Variants in FAM149A observed in about 807,000 individuals in gnomAD.
FAM149A encodes the protein protein FAM149A.
FAM149A carries 71 observed loss-of-function variants against 78.2 expected under a neutral mutation model. The ratio of observed to expected loss-of-function variants is 0.91; its 90% CI spans 0.75 to 1.11. The LOEUF (loss-of-function observed/expected upper bound fraction) is 1.11. Among genes scored for constraint, FAM149A ranks in the 50% least tolerant of loss-of-function variants. The probability of loss-of-function intolerance (pLI) is 0.00; values close to 1 mark genes in which losing one functional copy is unlikely to be tolerated. For missense variants in FAM149A, 1,036 were observed against 971.0 expected, an observed-to-expected ratio of 1.07 and a Z score of -0.89; for synonymous variants, 446 against 410.5, an observed-to-expected ratio of 1.09 and a Z score of -1.04.
intron 3 of FAM149A, among the ~76,000 whole-genome samples, chr4:186,150,602 A>G (rs34939331): frequency 0.42 from 52,212 of 123,990 alleles, 11,915 homozygotes; most frequent in Middle Eastern, 0.55. Context: ...TGTATTTTTA[A>G]TAGAGACGGG....
chr4:186,162,992 G>A (rs1734733843), intron 9 of FAM149A, 44 bp downstream of exon 9: 4 of 1,119,432 alleles, frequency 3.6e-6, no homozygotes, highest in Non-Finnish European at 4.1e-6. Flanking sequence ...TCTTCCCTGT[G>A]CTGCAAACAC....
At chr4:186,157,499 GAA>G (rs1734138091) in intron 7 of FAM149A, 64 bp from the exon 8 acceptor site, 2 of 1,511,986 alleles carry the variant, frequency 1.3e-6, no homozygotes, top group East Asian at 4.5e-5. Flanking sequence ...TTTCAAGAGT[GAA>G]TTTTAAGTAT....
chr4:186,167,866 AC>A (rs1160248125), intron 13 of FAM149A, among the ~76,000 whole-genome samples: 6 of 152,020 alleles, frequency 3.9e-5, no homozygotes, highest in African/African-American at 1.4e-4. Context: ...CGGCTGTGCA[AC>A]CCTAGGAATG....
At position 186,164,738 on chromosome 4, in the gene FAM149A, A is replaced by G. The variant is rs191853991; in HGVS notation, c.1890-606A>G. ...TCACACCTTCATCAAATAGAAACCC[A>G]TTTATGTTTCCTACTGAGATACATT... On this transcript the variant is annotated intron_variant, in intron 10 of 13. Coordinates refer to ENST00000389354, the MANE Select transcript of FAM149A (RefSeq NM_001367768.3). The surrounding 1 kb of genome is among the most constrained non-coding windows in gnomAD (Gnocchi z 4.0). 6.6e-6 allele frequency among the ~76,000 whole-genome samples: 1 copy of G among 152,162 alleles called. No individual in the cohort carries two copies. Among genetic ancestry groups the G allele is most frequent in the Non-Finnish European group, 1.5e-5 (1 of 67,974 alleles).
intron 1 of FAM149A, among the ~76,000 whole-genome samples, chr4:186,147,288 G>A (rs528718877): frequency 1.3e-5 from 2 of 152,202 alleles, no homozygotes; most frequent in Non-Finnish European, 2.9e-5. Flanking sequence ...GAGGCTGAAG[G>A]TGGGAGGATA....
intron 8 of FAM149A, among the ~76,000 whole-genome samples, chr4:186,159,163 G>A (rs10011164): frequency 0.078 from 11,830 of 151,976 alleles, 741 homozygotes; most frequent in African/African-American, 0.16. Context: ...TAGTTGAGGC[G>A]TTTTGAGGAG....
chr4:186,109,311 C>CT (rs60560568), intron 1 of FAM149A: 19,743 of 562,886 alleles, frequency 0.035, 55 homozygotes, highest in South Asian at 0.043. Flanking sequence ...TATATTCACT[C>CT]TTTTTTTTTT....
chr4:186,147,464 T>C (rs1733146613), intron 1 of FAM149A, among the ~76,000 whole-genome samples: 1 of 152,240 alleles, frequency 6.6e-6, no homozygotes, highest in South Asian at 2.1e-4. Context: ...ACACTTCATA[T>C]ACTTTATCTA....
chr4:186,144,776 G>C lies in FAM149A; in HGVS notation c.567-4397G>C, dbSNP rs1732858705. On this transcript the variant is annotated intron_variant, in intron 1 of 13. Coordinates refer to ENST00000389354, the MANE Select transcript of FAM149A (RefSeq NM_001367768.3). The surrounding 1 kb of genome is among the most constrained non-coding windows in gnomAD (Gnocchi z 4.2). Reference sequence around the variant, plus strand: ...AGCGGGGATGGGCGGGCGCAGCCGGGATTAGCTGGCGGGCGAGGGCGCAGC... The same window carrying C: ...AGCGGGGATGGGCGGGCGCAGCCGGCATTAGCTGGCGGGCGAGGGCGCAGC... 6 of 971,686 alleles carry C rather than the reference G, an allele frequency of 6.2e-6. No individual in the cohort carries two copies. The highest frequency in any genetic ancestry group is 7.3e-6 in the Non-Finnish European group (6 of 817,380). The allele number at this position is 971,686 out of a possible 1,614,324, so 60.2% of individuals were successfully genotyped here.
Position 186,147,030 on chromosome 4 carries a change from A to G in FAM149A, c.567-2143A>G, listed in dbSNP as rs534816298. On this transcript the variant is annotated intron_variant, in intron 1 of 13. Coordinates refer to ENST00000389354, the MANE Select transcript of FAM149A (RefSeq NM_001367768.3). ...AAAGATCTATATAATACAAAATGCT[A>G]TGGGAGGTCCAAAGAAACAAGAACA... 1.7e-5 allele frequency: 16 copies of G among 951,194 alleles called. No homozygotes were observed. The South Asian group carries it at 5.8e-4, about 35-fold the overall frequency. 58.9% of individuals were successfully genotyped at this position (951,194 alleles called of 1,614,324 possible).
intron 1 of FAM149A, chr4:186,109,051 G>GCC (rs2099310086): frequency 4.5e-6 from 1 of 223,822 alleles, no homozygotes; most frequent in African/African-American, 2.3e-5. Context: ...GTTTCACCAT[G>GCC]TTAGCCAGGA....
chr4:186,142,499 G>A (rs928113273), intron 1 of FAM149A, among the ~76,000 whole-genome samples: 1 of 152,220 alleles, frequency 6.6e-6, no homozygotes, highest in Non-Finnish European at 1.5e-5. Context: ...GAGAGCTGGG[G>A]TCTATTTTCC....
chr4:186,115,386 C>CT (rs2099313072), intron 1 of FAM149A, among the ~76,000 whole-genome samples: 1 of 149,906 alleles, frequency 6.7e-6, no homozygotes, highest in African/African-American at 2.5e-5. Context: ...AAGCCGCCTT[C>CT]TCTCAGCTCG....
chr4:186,121,889 G>T (rs1052570167), intron 1 of FAM149A, among the ~76,000 whole-genome samples: 7 of 152,102 alleles, frequency 4.6e-5, no homozygotes, highest in Non-Finnish European at 1.0e-4. Context: ...TAGCTCCTGA[G>T]AATCTGACTC....
chr4:186,124,384 G>A (rs1298198331), intron 1 of FAM149A: 58 of 299,738 alleles, frequency 1.9e-4, no homozygotes, highest in African/African-American at 1.3e-3. Flanking sequence ...TTTACATTAG[G>A]TATATCTCCT....
chr4:186,129,700 C>T (rs2099319743), intron 1 of FAM149A, among the ~76,000 whole-genome samples: 1 of 152,136 alleles, frequency 6.6e-6, no homozygotes, highest in South Asian at 2.1e-4. Flanking sequence ...CCAGCACAGT[C>T]TGCTATACCA....
Position 186,167,024 on chromosome 4 carries a change from A to G in FAM149A, c.2067A>G (p.Glu689=). ...TGAGTGCCATGCCTGACGGTACAGA[A>G]CGATCGCGTCTTCGAGAAAGAACAG... The change falls in exon 12 of 14, where the codon GAA becomes GAG. Residue 689 remains glutamate, a synonymous_variant. Transcript: ENST00000389354. 6.2e-7 allele frequency: 1 copy of G among 1,614,142 alleles called. No individual in the cohort carries two copies. The highest frequency in any genetic ancestry group is 8.5e-7 in the Non-Finnish European group (1 of 1,180,004).
rs981474022 is a variant in FAM149A, at chr4:186,105,018, G to T, written c.-59G>T. 411 of 1,250,212 alleles carry T rather than the reference G, an allele frequency of 3.3e-4. No individual in the cohort carries two copies. The highest frequency in any genetic ancestry group is 4.0e-4 in the Admixed American group (16 of 39,766). 77.4% of individuals were successfully genotyped at this position (1,250,212 alleles called of 1,614,324 possible). On this transcript the variant is annotated 5_prime_UTR_variant, in exon 1 of 14. Transcript: ENST00000389354. ...CGCCCCGGCCCGGGCCGCCTCGGCC[G>T]GATCTCCGCGGTCTGAACTCTCGGG...
intron 10 of FAM149A, 127 bp downstream of exon 10, chr4:186,163,760 G>A: frequency 2.8e-6 from 2 of 706,348 alleles, no homozygotes; most frequent in Non-Finnish European, 4.9e-6. Context: ...TTTCTAATGA[G>A]TTCATTGAGC....
Sources: allele counts gnomAD v4.1 joint callset (sites outside exome capture counted in the v4.1 genomes callset), GRCh38; gene constraint gnomAD v4.1.1; non-coding constraint Gnocchi (gnomAD v3.1); transcripts MANE v1.5; gene names NCBI Gene and HGNC (gene_info 2026-07-23, HGNC 2026-07-21).